Variants in RXFP2 observed in about 807,000 individuals in gnomAD.
RXFP2 encodes relaxin family peptide receptor 2, also known as relaxin receptor 2.
Under a neutral mutation model 88.6 loss-of-function variants are expected in RXFP2, and 68 were observed. That is an observed-to-expected ratio of 0.77 (90% CI 0.63 to 0.94). The LOEUF is 0.94. Ranked by LOEUF, RXFP2 falls within the 40% of genes least tolerant of loss-of-function variation. The pLI, the probability that RXFP2 is intolerant of heterozygous loss-of-function variation, is 0.00. For missense variants in RXFP2, 791 were observed against 893.9 expected (o/e 0.88, Z 1.47); for synonymous variants, 329 against 306.8 (o/e 1.07, Z -0.76).
Position 31,792,820 on chromosome 13 carries a change from CG to C in RXFP2, c.1519del (p.Glu507LysfsTer7). 1 of 1,614,096 alleles carries C rather than the reference CG, an allele frequency of 6.2e-7. No individual in the cohort carries two copies. The highest frequency in any genetic ancestry group is 2.2e-5 in the East Asian group (1 of 44,880). ...TGGGGTTCCTGGCCATGCTGTCCACCGAAGTCTCTGTTCTGCTACTGACCTA... is the reference window on the plus strand; with the variant it reads ...TGGGGTTCCTGGCCATGCTGTCCACCAAGTCTCTGTTCTGCTACTGACCTA... ...LMGFLAMLST[E>X]VSVLLLTYLT... is the part of the protein sequence containing the mutation. On this transcript the variant is annotated frameshift_variant, in exon 16 of 18. Coordinates refer to ENST00000298386, the MANE Select transcript of RXFP2 (RefSeq NM_130806.5). LOFTEE classifies it high-confidence loss of function.
At chr13:31,797,452 C>CCCAAGT (rs1407628859) in intron 17 of RXFP2, 33 bp downstream of exon 17, 1 of 1,498,046 alleles carries the variant, frequency 6.7e-7, no homozygotes, top group Non-Finnish European at 9.3e-7. Flanking sequence ...AAGTATAATA[C>CCCAAGT]ATCGTGCCTT....
chr13:31,771,499 T>C (rs1370611347), intron 5 of RXFP2, among the ~76,000 whole-genome samples: 1 of 152,032 alleles, frequency 6.6e-6, no homozygotes, highest in Non-Finnish European at 1.5e-5. Flanking sequence ...TCTCCATCCA[T>C]AGAAAAATTG....
chr13:31,794,553 G>A (rs1873941246), intron 16 of RXFP2, among the ~76,000 whole-genome samples: 1 of 152,136 alleles, frequency 6.6e-6, no homozygotes, highest in Non-Finnish European at 1.5e-5. Context: ...AAGTCAACAT[G>A]TCCTCACATC....
rs184332183 is a variant in RXFP2 at position 31,799,925 on chromosome 13, G to A, written c.2006-2221G>A. ...AACTCATCATCCTCAGCGAGTCTACGACACCTCAGATCATGATAAGCTTAG... is the reference window on the plus strand; with the variant it reads ...AACTCATCATCCTCAGCGAGTCTACAACACCTCAGATCATGATAAGCTTAG... On this transcript the variant is annotated intron_variant, in intron 17 of 17. Coordinates refer to ENST00000298386, the MANE Select transcript of RXFP2 (RefSeq NM_130806.5). 1.1e-4 allele frequency among the ~76,000 whole-genome samples: 16 copies of A among 152,234 alleles called. No individual in the cohort carries two copies. In the South Asian group the frequency reaches 1.9e-3, roughly 18 times the overall value.
At chr13:31,788,272 G>A (rs1212037133) in intron 13 of RXFP2, among the ~76,000 whole-genome samples, 1 of 152,164 alleles carries the variant, frequency 6.6e-6, no homozygotes, top group Admixed American at 6.5e-5. Context: ...AACTCCTTGG[G>A]CAAAGGAAAA....
chr13:31,776,956 A>G (rs1873015390), intron 7 of RXFP2, among the ~76,000 whole-genome samples: 1 of 152,178 alleles, frequency 6.6e-6, no homozygotes, highest in African/African-American at 2.4e-5. Context: ...GTTTAACACC[A>G]TGTGACCAAA....
chr13:31,767,727 G>A (rs1198850271), intron 5 of RXFP2, among the ~76,000 whole-genome samples: 1 of 152,184 alleles, frequency 6.6e-6, no homozygotes, highest in Admixed American at 6.5e-5. Flanking sequence ...CAGAATTAGA[G>A]CCAATGTCTT....
At chr13:31,798,475 A>G (rs1435794749) in intron 17 of RXFP2, among the ~76,000 whole-genome samples, 1 of 152,208 alleles carries the variant, frequency 6.6e-6, no homozygotes, top group Non-Finnish European at 1.5e-5. Flanking sequence ...GTGGGAGGTC[A>G]TGTGGGGAGA....
chr13:31,765,238 T>C, intron 4 of RXFP2, 96 bp downstream of exon 4: 2 of 765,192 alleles, frequency 2.6e-6, no homozygotes, highest in Admixed American at 3.9e-5. Flanking sequence ...AGCAAAATAA[T>C]AGAAACCCTG....
At chr13:31,785,760 C>T (rs1038252978) in intron 11 of RXFP2, among the ~76,000 whole-genome samples, 3 of 152,048 alleles carry the variant, frequency 2.0e-5, no homozygotes, top group Non-Finnish European at 4.4e-5. Flanking sequence ...TTCATTTCTT[C>T]TGATTTTAAC....
intron 17 of RXFP2, among the ~76,000 whole-genome samples, chr13:31,799,138 G>A (rs1273232195): frequency 6.6e-6 from 1 of 151,826 alleles, no homozygotes; most frequent in Non-Finnish European, 1.5e-5. Flanking sequence ...GTCAACTAAA[G>A]AAGGTGAGCT....
intron 6 of RXFP2, 81 bp downstream of exon 6, chr13:31,774,772 A>T (rs1320991466): frequency 9.9e-6 from 8 of 811,336 alleles, no homozygotes; most frequent in Non-Finnish European, 1.8e-5. Flanking sequence ...TCAAGGCTCG[A>T]CTTGATTGTA....
At chr13:31,801,147 T>C (rs1441351568) in intron 17 of RXFP2, among the ~76,000 whole-genome samples, 3 of 151,836 alleles carry the variant, frequency 2.0e-5, no homozygotes, top group Non-Finnish European at 4.4e-5. Context: ...ATAAAAAAAA[T>C]TATGAGATTG....
intron 17 of RXFP2, among the ~76,000 whole-genome samples, chr13:31,801,621 G>T (rs939108403): frequency 6.6e-6 from 1 of 152,128 alleles, no homozygotes; most frequent in African/African-American, 2.4e-5. Flanking sequence ...GCACACAAGA[G>T]AATTTCATCA....
chr13:31,772,084 T>C (rs557263485), intron 5 of RXFP2, among the ~76,000 whole-genome samples: 2 of 152,352 alleles, frequency 1.3e-5, no homozygotes, highest in South Asian at 2.1e-4. Context: ...ATGTCAGGCC[T>C]TTCTAAATTG....
intron 11 of RXFP2, among the ~76,000 whole-genome samples, 188 bp from the exon 12 acceptor site, chr13:31,786,195 A>C (rs1206743620): frequency 6.6e-6 from 1 of 152,212 alleles, no homozygotes; most frequent in Non-Finnish European, 1.5e-5. Flanking sequence ...AAAGTGTTAC[A>C]TGTAAGTGTT....
At chr13:31,765,841 A>G in intron 4 of RXFP2, 115 bp from the exon 5 acceptor site, 1 of 654,892 alleles carries the variant, frequency 1.5e-6, no homozygotes, top group Non-Finnish European at 2.8e-6. Context: ...ATGTTCAAAT[A>G]TGGATTAGTA....
At chr13:31,778,648 A>T in intron 9 of RXFP2, 65 bp downstream of exon 9, 1 of 1,100,536 alleles carries the variant, frequency 9.1e-7, no homozygotes, top group South Asian at 1.2e-5. Flanking sequence ...CATAAAGTTA[A>T]TTCAAGGTTA....
chr13:31,799,011 A>C (rs1874194841), intron 17 of RXFP2, among the ~76,000 whole-genome samples: 1 of 152,032 alleles, frequency 6.6e-6, no homozygotes, highest in Admixed American at 6.5e-5. Context: ...TAGCGACACT[A>C]TTTCTTAGTG....
Sources: allele counts gnomAD v4.1 joint callset (sites outside exome capture counted in the v4.1 genomes callset), GRCh38; gene constraint gnomAD v4.1.1; transcripts MANE v1.5; gene names NCBI Gene and HGNC (gene_info 2026-07-23, HGNC 2026-07-21).